Variants in ENOX2 observed in about 807,000 individuals in gnomAD.
The protein encoded by ENOX2 is APK1 antigen.
ENOX2 carries 36 observed loss-of-function variants against 45.0 expected under a neutral mutation model. The observed-to-expected ratio is 0.80, with a 90% CI of 0.61 to 1.06. The LOEUF (loss-of-function observed/expected upper bound fraction) is 1.06. Among genes scored for constraint, ENOX2 ranks in the 50% least tolerant of loss-of-function variants. ENOX2 has a pLI of 0.00. For synonymous variants in ENOX2, 174 were observed against 152.3 expected, an observed-to-expected ratio of 1.14 and a Z score of -1.05; for missense variants, 423 against 462.5, an observed-to-expected ratio of 0.91 and a Z score of 0.78.
At chrX:130,838,193 C>A (rs192906734) in intron 2 of ENOX2, among the ~76,000 whole-genome samples, 148 of 111,467 alleles carry the variant, frequency 1.3e-3, no homozygotes, top group African/African-American at 4.7e-3. Context: ...ACCAGCCTGG[C>A]CAACATGGTA....
chrX:130,750,076 T>A (rs1289634760), intron 3 of ENOX2, among the ~76,000 whole-genome samples: 3 of 110,847 alleles, frequency 2.7e-5, no homozygotes, highest in Non-Finnish European at 3.8e-5. Context: ...TGCATCTCAC[T>A]CTGTCTGTCT....
At chrX:130,722,931 T>G (rs1275167373) in intron 3 of ENOX2, among the ~76,000 whole-genome samples, 1 of 112,406 alleles carries the variant, frequency 8.9e-6, no homozygotes. Flanking sequence ...GTAAGCTGAA[T>G]CTGCTGTCTG....
chrX:130,648,454 G>A (rs760653477), intron 10 of ENOX2, among the ~76,000 whole-genome samples: 273 of 109,601 alleles, frequency 2.5e-3, no homozygotes, highest in Non-Finnish European at 4.2e-3. Context: ...AAAAAAAGAA[G>A]GAATTAAACA....
chrX:130,764,499 G>GTTTTTTTTTTT (rs111932904), intron 3 of ENOX2, among the ~76,000 whole-genome samples: 2 of 98,778 alleles, frequency 2.0e-5, no homozygotes. Context: ...GTATAGTACA[G>GTTTTTTTTTTT]TTTTTTTTTT....
At chrX:130,738,987 T>C (rs1051718113) in intron 3 of ENOX2, among the ~76,000 whole-genome samples, 1 of 112,257 alleles carries the variant, frequency 8.9e-6, no homozygotes, top group Non-Finnish European at 1.9e-5. Context: ...GGCCAACTAA[T>C]AGAAACCATG....
chrX:130,724,923 G>A (rs1280776727), intron 3 of ENOX2, among the ~76,000 whole-genome samples: 1 of 110,998 alleles, frequency 9.0e-6, no homozygotes, highest in Non-Finnish European at 1.9e-5. Flanking sequence ...TCTTTAAACT[G>A]GTATGACTGT....
At chrX:130,816,762 G>C (rs990012945) in intron 2 of ENOX2, among the ~76,000 whole-genome samples, 4 of 111,894 alleles carry the variant, frequency 3.6e-5, no homozygotes, top group Admixed American at 1.9e-4. Context: ...CACAGCTAAA[G>C]CAGTGTTTAG....
chrX:130,701,856 T>C (rs1398705171), intron 4 of ENOX2, among the ~76,000 whole-genome samples: 9 of 112,445 alleles, frequency 8.0e-5, no homozygotes, highest in African/African-American at 2.9e-4. Context: ...TCAATTGTTG[T>C]TGTTCTAATG....
At chrX:130,843,941 T>C (rs1048601507) in intron 2 of ENOX2, among the ~76,000 whole-genome samples, 1 of 112,415 alleles carries the variant, frequency 8.9e-6, no homozygotes, top group Non-Finnish European at 1.9e-5. Context: ...CCATTTGGTG[T>C]CCGTGGCACT....
chrX:130,896,688 A>AT (rs952523860), intron 2 of ENOX2, among the ~76,000 whole-genome samples: 1 of 111,595 alleles, frequency 9.0e-6, no homozygotes, highest in East Asian at 2.8e-4. Context: ...AAAACTATAG[A>AT]TTTTTTTTCC....
rs748443952 is a variant in ENOX2, at chrX:130,783,444, T to C, written c.-39+103A>G. 6.8e-4 allele frequency: 186 copies of C among 273,192 alleles called. 1 individual carries two copies. Among genetic ancestry groups the C allele is most frequent in the Non-Finnish European group, 1.0e-3 (147 of 147,021 alleles). The allele number at this position is 273,192 out of a possible 1,213,427, so 22.5% of individuals were successfully genotyped here. A position where few individuals can be genotyped will look rare whatever the true frequency, so the allele number is the denominator to read the frequency against. On this transcript the variant is annotated intron_variant, in intron 3 of 14. Transcript: ENST00000394363. ...AGGGGACTCTTTCTCATTTATTTAG[T>C]TCCTACAAGCTCTAGCATAGTATGT...
intron 3 of ENOX2, among the ~76,000 whole-genome samples, chrX:130,731,007 T>C: frequency 9.0e-6 from 1 of 110,733 alleles, no homozygotes. Context: ...TGAACCTGTA[T>C]TTCAGGTTAA....
At chrX:130,847,459 T>C (rs1461909802) in intron 2 of ENOX2, among the ~76,000 whole-genome samples, 1 of 111,750 alleles carries the variant, frequency 8.9e-6, no homozygotes, top group Non-Finnish European at 1.9e-5. Context: ...AATCCAATTA[T>C]AAAAAACAAT....
At chrX:130,787,811 TACA>T (rs1361989417) in intron 2 of ENOX2, among the ~76,000 whole-genome samples, 11 of 111,743 alleles carry the variant, frequency 9.8e-5, no homozygotes, top group Non-Finnish European at 3.8e-5. Flanking sequence ...GACAATTCAG[TACA>T]ACATTTCAGG....
At chrX:130,682,380 G>T (rs2037328420) in intron 5 of ENOX2, among the ~76,000 whole-genome samples, 1 of 107,990 alleles carries the variant, frequency 9.3e-6, no homozygotes, top group East Asian at 2.9e-4. Context: ...GTCAGGAGAT[G>T]GAGACCATCT....
At chrX:130,634,941 A>G in intron 12 of ENOX2, 43 bp downstream of exon 12, 1 of 697,704 alleles carries the variant, frequency 1.4e-6, no homozygotes, top group African/African-American at 2.1e-5. Flanking sequence ...ACTGAAAAGT[A>G]GGTAAAGGGG....
At chrX:130,843,350 T>C (rs1603367563) in intron 2 of ENOX2, among the ~76,000 whole-genome samples, 1 of 111,520 alleles carries the variant, frequency 9.0e-6, no homozygotes, top group African/African-American at 3.3e-5. Context: ...ATAATCTCAG[T>C]CCAGGAAGAT....
chrX:130,823,584 T>C (rs761355554), intron 2 of ENOX2, among the ~76,000 whole-genome samples: 2 of 111,776 alleles, frequency 1.8e-5, no homozygotes, highest in Non-Finnish European at 3.8e-5. Context: ...GAGTCACATA[T>C]TTGCCAGCCC....
chrX:130,679,774 G>C, intron 5 of ENOX2, 26 bp from the exon 6 acceptor site: 1 of 1,105,354 alleles, frequency 9.0e-7, no homozygotes, highest in Non-Finnish European at 1.3e-6. Context: ...AAAAACATTT[G>C]AAATTAAAAT....
Sources: gnomAD v4.1 joint callset for allele counts (sites outside exome capture counted in the v4.1 genomes callset) on GRCh38, gnomAD v4.1.1 for gene constraint, MANE v1.5 for transcripts, NCBI Gene and HGNC (gene_info 2026-07-23, HGNC 2026-07-21) for gene names.